The following COMMD6 variants were observed in gnomAD, a reference collection of about 807,000 sequenced individuals.
The protein encoded by COMMD6 is COMM domain-containing protein 6.
COMMD6 carries 11 observed loss-of-function variants against 13.4 expected under a neutral mutation model. The ratio of observed to expected loss-of-function variants is 0.82; its 90% CI spans 0.52 to 1.36. COMMD6 has a LOEUF of 1.36. Ranked by LOEUF, COMMD6 falls within the 40% of genes most tolerant of loss-of-function variation. The pLI is 0.00. For missense variants in COMMD6, 124 were observed against 102.4 expected (o/e 1.21, Z -0.91); for synonymous variants, 43 against 36.5 (o/e 1.18, Z -0.64).
rs149636024 is a variant in COMMD6 at position 75,531,776 on chromosome 13, G to A, written c.55-1510C>T. Among the ~76,000 whole-genome samples, 154 of 152,302 alleles carry A rather than the reference G, an allele frequency of 1.0e-3. 1 individual carries two copies. Among genetic ancestry groups the A allele is most frequent in the African/African-American group, 3.5e-3 (145 of 41,564 alleles). On this transcript the variant is annotated intron_variant, in intron 2 of 3. Transcript: ENST00000682242. ...CATGCTGTTGGTGAAAGTGTAAACT[G>A]GGCCAATCTATCAAAGAGCTGACTT...
intron 3 of COMMD6, chr13:75,527,856 G>C (rs755048178): frequency 6.7e-7 from 1 of 1,502,132 alleles, no homozygotes; most frequent in Non-Finnish European, 8.9e-7. Flanking sequence ...CTGAGGCTGG[G>C]GGTCAATGGG....
intron 1 of COMMD6, among the ~76,000 whole-genome samples, chr13:75,544,084 A>G (rs925670414): frequency 7.4e-6 from 1 of 135,784 alleles, no homozygotes; most frequent in Non-Finnish European, 1.6e-5. Flanking sequence ...ATTCAAGAAG[A>G]TGAGTGATTC....
intron 2 of COMMD6, among the ~76,000 whole-genome samples, chr13:75,536,749 A>G (rs992015740): frequency 6.6e-6 from 1 of 152,252 alleles, no homozygotes; most frequent in Non-Finnish European, 1.5e-5. Context: ...CTCCAGAACT[A>G]TAAGATAATA....
At chr13:75,537,948 T>A (rs780034415), upstream of COMMD6, 5 of 759,798 alleles carry the variant, frequency 6.6e-6, no homozygotes, top group Non-Finnish European at 1.0e-5. Flanking sequence ...ATGTGACTCA[T>A]ATTTTTTCTT....
intron 2 of COMMD6, among the ~76,000 whole-genome samples, chr13:75,532,501 G>A (rs2030514388): frequency 6.6e-6 from 1 of 152,218 alleles, no homozygotes; most frequent in Non-Finnish European, 1.5e-5. Context: ...ACCAATTACA[G>A]ATGAAAAGAG....
intron 1 of COMMD6, among the ~76,000 whole-genome samples, chr13:75,546,513 T>G (rs1203997312): frequency 6.6e-6 from 1 of 152,224 alleles, no homozygotes; most frequent in Non-Finnish European, 1.5e-5. Flanking sequence ...AACATTAATT[T>G]GTCAAAAACT....
chr13:75,527,984 C>A, intron 3 of COMMD6: 63 of 877,788 alleles, frequency 7.2e-5, no homozygotes, highest in Admixed American at 1.1e-4. Context: ...TGCTAAAAAA[C>A]ATTTTACATG....
Position 75,525,925 on chromosome 13 carries a change from A to G in COMMD6, c.*664T>C, listed in dbSNP as rs2030231888. 1 of 152,270 alleles carries G rather than the reference A, an allele frequency of 6.6e-6. No individual in the cohort carries two copies. Among genetic ancestry groups the G allele is most frequent in the African/African-American group, 2.4e-5 (1 of 41,480 alleles). 9.4% of individuals were successfully genotyped at this position (152,270 alleles called of 1,614,324 possible). ...AATTCAACAGAGATCATCTAATGCA[A>G]TAACTTGTGCTAACGGGTTAACTCC... On this transcript the variant is annotated 3_prime_UTR_variant, in exon 4 of 4. Coordinates refer to ENST00000682242, the MANE Select transcript of COMMD6 (RefSeq NM_203495.4).
At chr13:75,532,045 CA>C (rs1353574590) in intron 2 of COMMD6, among the ~76,000 whole-genome samples, 13 of 152,072 alleles carry the variant, frequency 8.5e-5, no homozygotes, top group Non-Finnish European at 7.4e-5. Flanking sequence ...AAAACAAGTC[CA>C]AAAGTTATGA....
At chr13:75,533,976 C>CT (rs1566198632) in intron 2 of COMMD6, among the ~76,000 whole-genome samples, 13 of 149,134 alleles carry the variant, frequency 8.7e-5, no homozygotes, top group East Asian at 3.9e-4. Context: ...CATTTTCCTT[C>CT]TTTTTTTTTT....
At chr13:75,545,088 CA>C (rs1254289695) in intron 1 of COMMD6, among the ~76,000 whole-genome samples, 1 of 152,124 alleles carries the variant, frequency 6.6e-6, no homozygotes, top group Non-Finnish European at 1.5e-5. Flanking sequence ...CAAGCACTGC[CA>C]AAAGGCCACG....
At chr13:75,538,494 C>T (rs1336671321), upstream of COMMD6, among the ~76,000 whole-genome samples, 2 of 152,086 alleles carry the variant, frequency 1.3e-5, no homozygotes. Context: ...CAATGAACAC[C>T]TGTATACCCT....
rs199894482 is a variant in COMMD6 at position 75,537,809 on chromosome 13, C to T, written c.-4G>A. On this transcript the variant is annotated 5_prime_UTR_variant, in exon 1 of 4. Coordinates refer to ENST00000682242, the MANE Select transcript of COMMD6 (RefSeq NM_203495.4). Reference sequence around the variant, plus strand: ...GCGGCTCGCTGGACGCCTCCATGGGCAGCGTCTGGGACTTGCGGCCCGGAC... The same window carrying T: ...GCGGCTCGCTGGACGCCTCCATGGGTAGCGTCTGGGACTTGCGGCCCGGAC... The T allele has an allele frequency of 6.9e-5, 111 of 1,602,580 alleles. No individual in the cohort carries two copies. The highest frequency in any genetic ancestry group is 1.7e-4 in the Middle Eastern group (1 of 5,904).
At chr13:75,545,017 G>C (rs1271561805) in intron 1 of COMMD6, among the ~76,000 whole-genome samples, 1 of 151,906 alleles carries the variant, frequency 6.6e-6, no homozygotes, top group Non-Finnish European at 1.5e-5. Flanking sequence ...TTCTGATCAA[G>C]TGTGGAGAAT....
chr13:75,547,647 C>T (rs571919472), intron 1 of COMMD6, among the ~76,000 whole-genome samples: 13 of 152,250 alleles, frequency 8.5e-5, no homozygotes, highest in South Asian at 2.1e-4. Context: ...CCATACCAGA[C>T]GGTGTAGGTT....
At chr13:75,538,620 T>C (rs906799757), upstream of COMMD6, 8 of 152,338 alleles carry the variant, frequency 5.3e-5, no homozygotes, top group African/African-American at 1.2e-4. Context: ...AACTAGGGCA[T>C]TCTTCTAAAT....
At chr13:75,543,448 C>T (rs9593093), upstream of COMMD6, among the ~76,000 whole-genome samples, 34,511 of 152,096 alleles carry the variant, frequency 0.23, 5,097 homozygotes, top group African/African-American at 0.41. Flanking sequence ...GCCCAGTGAG[C>T]CCCATTTCAG....
chr13:75,535,155 G>A (rs1188929156), intron 2 of COMMD6, among the ~76,000 whole-genome samples: 2 of 151,318 alleles, frequency 1.3e-5, no homozygotes, highest in Non-Finnish European at 2.9e-5. Context: ...AGGACCTGGA[G>A]AAAAGAGCAT....
chr13:75,543,273 CT>C (rs776513773), upstream of COMMD6, among the ~76,000 whole-genome samples: 5 of 152,174 alleles, frequency 3.3e-5, no homozygotes, highest in South Asian at 4.1e-4. Context: ...CTGAGCCCCC[CT>C]GACACACAAT....
Sources: allele counts gnomAD v4.1 joint callset (sites outside exome capture counted in the v4.1 genomes callset), GRCh38; gene constraint gnomAD v4.1.1; transcripts MANE v1.5; gene names NCBI Gene and HGNC (gene_info 2026-07-23, HGNC 2026-07-21).